Variants in MACROD2 observed in about 807,000 individuals in gnomAD.
MACROD2 encodes ADP-ribose glycohydrolase MACROD2.
Under a neutral mutation model 70.4 loss-of-function variants are expected in MACROD2, and 36 were observed. The observed-to-expected ratio is 0.51, with a 90% CI of 0.39 to 0.68. MACROD2 has a LOEUF of 0.68. Ranked by LOEUF, MACROD2 falls within the 30% of genes least tolerant of loss-of-function variation. The pLI, the probability that MACROD2 is intolerant of heterozygous loss-of-function variation, is 0.00. For missense variants in MACROD2, 496 were observed against 538.4 expected (o/e 0.92, Z 0.78); for synonymous variants, 172 against 178.8 (o/e 0.96, Z 0.30).
chr20:15,174,703 G>C (rs1187201155), intron 5 of MACROD2, among the ~76,000 whole-genome samples: 1 of 152,180 alleles, frequency 6.6e-6, no homozygotes, highest in Non-Finnish European at 1.5e-5. Flanking sequence ...ATTCTAACTG[G>C]TGTGAGATGG....
intron 5 of MACROD2, among the ~76,000 whole-genome samples, chr20:14,970,121 A>T (rs1339629636): frequency 6.6e-6 from 1 of 152,308 alleles, no homozygotes; most frequent in South Asian, 2.1e-4. Flanking sequence ...TTACAATCAT[A>T]GCAGAAGGCA....
At chr20:15,563,132 A>T (rs1213879277) in intron 8 of MACROD2, among the ~76,000 whole-genome samples, 1 of 152,170 alleles carries the variant, frequency 6.6e-6, no homozygotes, top group Non-Finnish European at 1.5e-5. Context: ...TGCAGTGTTG[A>T]TGCCCTTAGG....
intron 8 of MACROD2, among the ~76,000 whole-genome samples, chr20:15,762,259 C>A (rs753645077): frequency 6.6e-6 from 1 of 152,152 alleles, no homozygotes; most frequent in Non-Finnish European, 1.5e-5. Flanking sequence ...GCGAATGTTA[C>A]TGTTTTCATC....
chr20:15,179,851 G>A (rs914442017), intron 5 of MACROD2, among the ~76,000 whole-genome samples: 2 of 152,196 alleles, frequency 1.3e-5, no homozygotes, highest in African/African-American at 2.4e-5. Context: ...GCATCTCTGC[G>A]TTAATGTGTT....
At chr20:14,609,115 A>G (rs1982997613) in intron 4 of MACROD2, among the ~76,000 whole-genome samples, 1 of 152,134 alleles carries the variant, frequency 6.6e-6, no homozygotes, top group Non-Finnish European at 1.5e-5. Context: ...ATGAATCAAC[A>G]TATTCTTATT....
At chr20:15,613,076 T>G (rs1404923825) in intron 8 of MACROD2, among the ~76,000 whole-genome samples, 1 of 152,222 alleles carries the variant, frequency 6.6e-6, no homozygotes, top group Non-Finnish European at 1.5e-5. Context: ...TCTATCAGGT[T>G]AAAATGAATA....
chr20:14,658,088 CT>C (rs1315354955), intron 4 of MACROD2, among the ~76,000 whole-genome samples: 3 of 151,178 alleles, frequency 2.0e-5, no homozygotes, highest in East Asian at 1.9e-4. Context: ...ATTTTGCATC[CT>C]TTTTTTTCAA....
intron 8 of MACROD2, among the ~76,000 whole-genome samples, chr20:15,551,851 A>T: frequency 7.1e-6 from 1 of 141,522 alleles, no homozygotes; most frequent in East Asian, 2.1e-4. Context: ...CCTGGCAGAC[A>T]GAGTGAGACC....
At chr20:14,929,276 T>C (rs1048674827) in intron 5 of MACROD2, 2 of 152,142 alleles carry the variant, frequency 1.3e-5, no homozygotes, top group Non-Finnish European at 2.9e-5. Flanking sequence ...TCCCTATACT[T>C]CTTACTGACA....
chr20:15,820,336 G>A (rs568350787), intron 8 of MACROD2, among the ~76,000 whole-genome samples: 1 of 152,140 alleles, frequency 6.6e-6, no homozygotes, highest in African/African-American at 2.4e-5. Context: ...GACTACAGGA[G>A]CACACCACCA....
chr20:14,132,958 A>G (rs1171735432), intron 3 of MACROD2, among the ~76,000 whole-genome samples: 1 of 152,186 alleles, frequency 6.6e-6, no homozygotes, highest in Non-Finnish European at 1.5e-5. Context: ...TGTTTAAGTA[A>G]AATGACTGTA....
intron 3 of MACROD2, among the ~76,000 whole-genome samples, chr20:14,371,953 C>G (rs1439774633): frequency 6.6e-6 from 1 of 152,094 alleles, no homozygotes; most frequent in African/African-American, 2.4e-5. Context: ...TGTATGTTCT[C>G]ATAACATTAT....
intron 6 of MACROD2, among the ~76,000 whole-genome samples, chr20:15,309,087 T>C (rs2077726220): frequency 1.3e-5 from 2 of 152,198 alleles, no homozygotes; most frequent in South Asian, 4.1e-4. Flanking sequence ...CTGTTATCAT[T>C]CCTACCTTAC....
At chr20:15,007,326 T>C (rs1235057205) in intron 5 of MACROD2, among the ~76,000 whole-genome samples, 3 of 151,504 alleles carry the variant, frequency 2.0e-5, no homozygotes, top group African/African-American at 7.3e-5. Context: ...ATTGCACCAC[T>C]GCACTCCAGC....
intron 8 of MACROD2, among the ~76,000 whole-genome samples, chr20:15,571,530 T>C (rs1799448928): frequency 6.6e-6 from 1 of 152,088 alleles, no homozygotes; most frequent in Non-Finnish European, 1.5e-5. Context: ...TTTAATATTT[T>C]TAAGTTTAAA....
chr20:14,862,651 A>G (rs1265466943), intron 5 of MACROD2, among the ~76,000 whole-genome samples: 3 of 51,840 alleles, frequency 5.8e-5, no homozygotes, highest in African/African-American at 7.1e-5. Context: ...AAATATATAT[A>G]TATAAATATA....
At chr20:14,545,978 A>C (rs1310962086) in intron 4 of MACROD2, among the ~76,000 whole-genome samples, 6 of 152,202 alleles carry the variant, frequency 3.9e-5, no homozygotes. Context: ...TGTAAAAGAG[A>C]AAATGTAAAC....
At chr20:15,594,202 A>G (rs1386189358) in intron 8 of MACROD2, among the ~76,000 whole-genome samples, 2 of 151,900 alleles carry the variant, frequency 1.3e-5, no homozygotes, top group Non-Finnish European at 2.9e-5. Flanking sequence ...GTTGCACTAA[A>G]TCTCATCCTT....
chr20:15,990,687 TA>T (rs2066546035), intron 15 of MACROD2, among the ~76,000 whole-genome samples: 1 of 152,178 alleles, frequency 6.6e-6, no homozygotes, highest in African/African-American at 2.4e-5. Context: ...GTGACAAGTG[TA>T]AAGTATCATG....
Sources: gnomAD v4.1 joint callset for allele counts (sites outside exome capture counted in the v4.1 genomes callset) on GRCh38, gnomAD v4.1.1 for gene constraint, MANE v1.5 for transcripts, NCBI Gene and HGNC (gene_info 2026-07-23, HGNC 2026-07-21) for gene names.